SPATA13: variants seen among roughly 807,000 people sequenced by gnomAD.
SPATA13 encodes spermatogenesis associated 13, also known as spermatogenesis-associated protein 13.
In SPATA13, 50 loss-of-function variants were observed where a neutral mutation model predicts 104.0. The ratio of observed to expected loss-of-function variants is 0.48; its 90% confidence interval spans 0.38 to 0.61. The LOEUF is 0.61. Ranked by LOEUF, SPATA13 falls within the 20% of genes least tolerant of loss-of-function variation. The pLI is 0.00. For synonymous variants in SPATA13, 606 were observed against 667.5 expected (o/e 0.91, Z 1.42); for missense variants, 1,524 against 1,690.6 (o/e 0.90, Z 1.73).
chr13:24,038,768 T>C (rs1213294080), intron 3 of SPATA13, among the ~76,000 whole-genome samples: 1 of 152,180 alleles, frequency 6.6e-6, no homozygotes, highest in Middle Eastern at 3.2e-3. Context: ...ACCTCTGATC[T>C]AATTCACAGC....
intron 2 of SPATA13, among the ~76,000 whole-genome samples, chr13:24,013,103 G>C (rs762242739): frequency 6.6e-6 from 1 of 152,314 alleles, no homozygotes; most frequent in Non-Finnish European, 1.5e-5. Context: ...GAGCCAGGGT[G>C]GGGGGTACAT....
Position 24,085,938 on chromosome 13 carries a change from G to C in SPATA13, c.-112+68237G>C, listed in dbSNP as rs183516488. ...GGTTCTTTAGAAGGCAGAGAAGCCA[G>C]AGAGGGTTTCCAGGGAGAGAGGGAG... On this transcript the variant is annotated intron_variant, in intron 3 of 14. Transcript: ENST00000424834. 1.3e-4 allele frequency among the ~76,000 whole-genome samples: 20 copies of C among 152,372 alleles called. No individual in the cohort carries two copies. The East Asian group carries it at 3.7e-3, about 28-fold the overall frequency.
chr13:24,279,118 C>G (rs1020021417), intron 4 of SPATA13, among the ~76,000 whole-genome samples: 1 of 152,070 alleles, frequency 6.6e-6, no homozygotes. Context: ...ACATTATAGA[C>G]GGTGACAAAT....
intron 4 of SPATA13, among the ~76,000 whole-genome samples, chr13:24,278,153 A>G (rs1174522574): frequency 6.6e-6 from 1 of 152,156 alleles, no homozygotes; most frequent in African/African-American, 2.4e-5. Flanking sequence ...AAACACACAG[A>G]TTTGGATACT....
At chr13:24,160,471 T>G (rs1008465068), upstream of SPATA13, among the ~76,000 whole-genome samples, 1 of 152,156 alleles carries the variant, frequency 6.6e-6, no homozygotes, top group African/African-American at 2.4e-5. Context: ...CTCAAATTCC[T>G]GACCTCAGGT....
intron 1 of SPATA13, among the ~76,000 whole-genome samples, chr13:24,221,265 A>G (rs2138607087): frequency 6.6e-6 from 1 of 152,252 alleles, no homozygotes; most frequent in East Asian, 1.9e-4. Flanking sequence ...GTGACCTCTT[A>G]GGTTTCTGTG....
intron 3 of SPATA13, among the ~76,000 whole-genome samples, chr13:24,058,654 A>C (rs539308820): frequency 6.6e-6 from 1 of 152,010 alleles, no homozygotes; most frequent in Middle Eastern, 3.4e-3. Context: ...AATTCAGATA[A>C]TTTATTAGTT....
chr13:24,039,964 G>A (rs1207697081), intron 3 of SPATA13, among the ~76,000 whole-genome samples: 3 of 152,186 alleles, frequency 2.0e-5, no homozygotes, highest in African/African-American at 7.2e-5. Context: ...GAGTGGTGGA[G>A]CCCAAGCTGC....
chr13:24,222,973 A>G lies in SPATA13; in HGVS notation c.44A>G (p.Asn15Ser), dbSNP rs376486791. 44 of 1,551,178 alleles carry G rather than the reference A, an allele frequency of 2.8e-5. No individual in the cohort carries two copies. Among genetic ancestry groups the G allele is most frequent in the Non-Finnish European group, 3.7e-5 (43 of 1,146,762 alleles). Residue 15 changes from asparagine (N) to serine (S), a missense_variant, in exon 2 of 13, where the codon AAC becomes AGC. By Grantham distance (46) the Asn-to-Ser change is conservative. This residue lies in a region of SPATA13 where 1,089 missense variants were observed against 1,135.9 expected (regional missense o/e 0.96). Coordinates refer to ENST00000382108, the MANE Select transcript of SPATA13 (RefSeq NM_001166271.3). ...AVRPWAPCLE[N>S]MTTAPNGLGP... ...CGGCCCTGGGCACCCTGCCTGGAGA[A>G]CATGACCACTGCCCCAAACGGCCTC...
intron 3 of SPATA13, among the ~76,000 whole-genome samples, chr13:24,137,655 C>T (rs1292190914): frequency 3.9e-5 from 6 of 151,920 alleles, no homozygotes; most frequent in East Asian, 1.9e-4. Context: ...GCTACTTGTG[C>T]GGCTGAGACA....
chr13:24,178,688 T>C (rs1365422533), intron 1 of SPATA13, among the ~76,000 whole-genome samples: 1 of 152,202 alleles, frequency 6.6e-6, no homozygotes, highest in African/African-American at 2.4e-5. Context: ...ACTGTGCCAT[T>C]TCTGCCTGTT....
chr13:24,123,786 G>A (rs1192776220), intron 3 of SPATA13: 1 of 1,110,824 alleles, frequency 9.0e-7, no homozygotes, highest in Non-Finnish European at 1.4e-6. Context: ...ATTCTTCCAG[G>A]TGAGAGCATG....
In SPATA13 at chr13:24,223,111, A is replaced by G. The variant is rs781228658; in HGVS notation, c.182A>G (p.Asp61Gly). The G allele has an allele frequency of 9.7e-6, 15 of 1,551,588 alleles. No homozygotes were observed. The highest frequency in any genetic ancestry group is 2.0e-5 in the Admixed American group (1 of 50,996). The change falls in exon 2 of 13, where the codon GAC becomes GGC. Residue 61 changes from aspartate to glycine, a missense_variant. Transcript: ENST00000382108. ...GGCTGCAGCCCTGGTGGCGACACGG[A>G]CACCCAGGAAGCCAAACTCAGCCCA... is the stretch of plus-strand genomic sequence containing the variant. ...VCGCSPGGDT[D>G]TQEAKLSPAK...
At chr13:24,166,739 A>G (rs559547045) in intron 1 of SPATA13, among the ~76,000 whole-genome samples, 7 of 152,218 alleles carry the variant, frequency 4.6e-5, no homozygotes, top group Non-Finnish European at 1.0e-4. Context: ...CCACTGTTTT[A>G]GAGCATATGC....
intron 3 of SPATA13, among the ~76,000 whole-genome samples, chr13:24,059,133 T>C (rs4770564): frequency 0.98 from 149,009 of 151,582 alleles, 73,303 homozygotes; most frequent in East Asian, 1. Context: ...CACCATGTCC[T>C]GCTAATTTTT....
chr13:24,231,847 A>G (rs1298817166), intron 2 of SPATA13, among the ~76,000 whole-genome samples: 1 of 152,172 alleles, frequency 6.6e-6, no homozygotes, highest in Non-Finnish European at 1.5e-5. Context: ...TATTTCCCTA[A>G]TGACTAATGA....
chr13:24,063,510 A>G (rs1019054135), intron 3 of SPATA13, among the ~76,000 whole-genome samples: 5 of 151,822 alleles, frequency 3.3e-5, no homozygotes, highest in South Asian at 2.1e-4. Flanking sequence ...CCTCCCAAAC[A>G]TGCCTGCCAG....
rs1404522059 is a variant in SPATA13 at position 24,051,916 on chromosome 13, C to T, written c.-112+34215C>T. Among the ~76,000 whole-genome samples the T allele has an allele frequency of 1.3e-5, 2 of 152,192 alleles. No individual in the cohort carries two copies. Among genetic ancestry groups the T allele is most frequent in the African/African-American group, 2.4e-5 (1 of 41,446 alleles). On this transcript the variant is annotated intron_variant, in intron 3 of 14. Transcript: ENST00000424834. The surrounding 1 kb of genome is among the most constrained non-coding windows in gnomAD (Gnocchi z 4.2). ...GGCACCTGTTCCTCCTCCTCAGCCC[C>T]GGCCCACCCCTGCAGCTCCTCACCA...
chr13:24,130,150 C>T (rs1282349025), intron 3 of SPATA13, among the ~76,000 whole-genome samples: 1 of 152,174 alleles, frequency 6.6e-6, no homozygotes, highest in East Asian at 1.9e-4. Context: ...AGGTTTGCAC[C>T]CTGCCTGGGT....
Sources: gnomAD v4.1 joint callset for allele counts (sites outside exome capture counted in the v4.1 genomes callset) on GRCh38, gnomAD v4.1.1 for gene constraint, gnomAD v4.1.1 regional missense constraint, Gnocchi (gnomAD v3.1) non-coding constraint, MANE v1.5 for transcripts, NCBI Gene and HGNC (gene_info 2026-07-23, HGNC 2026-07-21) for gene names.